RGS3: variants seen among roughly 807,000 people sequenced by gnomAD.
RGS3 encodes the protein regulator of G protein signaling 3.
Under a neutral mutation model 132.6 loss-of-function variants are expected in RGS3, and 80 were observed. The ratio of observed to expected loss-of-function variants is 0.60; its 90% CI spans 0.50 to 0.73. The LOEUF (loss-of-function observed/expected upper bound fraction) is 0.73, where lower values mean the gene tolerates loss of function less well. Ranked by LOEUF, RGS3 falls within the 30% of genes least tolerant of loss-of-function variation. The pLI, the probability that RGS3 is intolerant of heterozygous loss-of-function variation, is 0.00. For synonymous variants in RGS3, 598 were observed against 620.6 expected (o/e 0.96, Z 0.54); for missense variants, 1,382 against 1,530.8 (o/e 0.90, Z 1.62).
chr9:113,462,205 A>G, intron 3 of RGS3: 1 of 1,598,396 alleles, frequency 6.3e-7, no homozygotes, highest in Non-Finnish European at 8.5e-7. Context: ...GGTGCAGGTA[A>G]GTCCATCTGT....
At chr9:113,584,016 G>A in exon 20 of RGS3, 1 of 1,614,168 alleles carries the variant, frequency 6.2e-7, no homozygotes, top group East Asian at 2.2e-5. Context: ...ACAGCCAGAA[G>A]GCAGGGGCAG....
chr9:113,469,120 T>G (rs1383443139), intron 3 of RGS3, among the ~76,000 whole-genome samples: 2 of 150,500 alleles, frequency 1.3e-5, no homozygotes, highest in Non-Finnish European at 3.0e-5. Context: ...CACTCCTTTC[T>G]CTGCCTCTCT....
intron 19 of RGS3, among the ~76,000 whole-genome samples, chr9:113,559,633 T>C (rs1833711306): frequency 6.6e-6 from 1 of 152,166 alleles, no homozygotes; most frequent in South Asian, 2.1e-4. Flanking sequence ...GAATAAGAGA[T>C]TAAGGGCAGA....
In RGS3 at chr9:113,579,863, A is replaced by G. The variant is rs1034003771; in HGVS notation, c.2038-3587A>G. On this transcript the variant is annotated intron_variant, in intron 19 of 24. Transcript: ENST00000350696. This position sits in a 1 kb window ranked among gnomAD's most constrained non-coding sequence, Gnocchi z 4.3. ...CACACATCCTGCCCACATTCCCCAG[A>G]GCAGCTTTGACACAGCACAGCTCTG... Among the ~76,000 whole-genome samples the G allele has an allele frequency of 2.6e-5, 4 of 152,140 alleles. No individual in the cohort carries two copies. Among genetic ancestry groups the G allele is most frequent in the Admixed American group, 2.6e-4 (4 of 15,288 alleles).
chr9:113,572,988 C>T (rs761947638), intron 19 of RGS3, among the ~76,000 whole-genome samples: 6 of 152,220 alleles, frequency 3.9e-5, no homozygotes, highest in African/African-American at 9.7e-5. Flanking sequence ...TGTCGATGAT[C>T]GTCATGAGAG....
chr9:113,541,900 A>G, intron 19 of RGS3: 1 of 978,492 alleles, frequency 1.0e-6, no homozygotes, highest in Non-Finnish European at 1.2e-6. Context: ...CATCTACTTT[A>G]TGCCAGGCTC....
At chr9:113,492,268 A>C (rs7865642) in intron 7 of RGS3, among the ~76,000 whole-genome samples, 1 of 152,174 alleles carries the variant, frequency 6.6e-6, no homozygotes, top group African/African-American at 2.4e-5. Flanking sequence ...GTTACTTCAA[A>C]GCCTTTGTAA....
At chr9:113,468,394 A>G (rs933874758) in intron 3 of RGS3, among the ~76,000 whole-genome samples, 2 of 152,158 alleles carry the variant, frequency 1.3e-5, no homozygotes, top group Non-Finnish European at 2.9e-5. Flanking sequence ...TTTCAATTCT[A>G]TTCCATTGAT....
chr9:113,570,550 C>T (rs566187866), intron 19 of RGS3, among the ~76,000 whole-genome samples: 16 of 146,150 alleles, frequency 1.1e-4, no homozygotes, highest in African/African-American at 1.0e-4. Flanking sequence ...TTCCACAAAG[C>T]GTACCCCCAT....
chr9:113,461,670 A>G lies in RGS3; in HGVS notation c.81-37A>G, dbSNP rs770399964. 5.6e-6 allele frequency: 9 copies of G among 1,595,184 alleles called. No individual in the cohort carries two copies. In the South Asian group the frequency reaches 1.0e-4, roughly 18 times the overall value. ...AATCTTTGTTCCCATTACCGGGTGT[A>G]AGTGCCCAGTGTGGGCCTCGGTCTT... On this transcript the variant is annotated intron_variant, in intron 1 of 24. Transcript: ENST00000350696.
intron 19 of RGS3, among the ~76,000 whole-genome samples, chr9:113,560,790 G>C (rs1249870200): frequency 6.6e-6 from 1 of 152,196 alleles, no homozygotes; most frequent in Non-Finnish European, 1.5e-5. Context: ...GCCATATACA[G>C]ACACTTCCAT....
chr9:113,522,988 G>T, exon 17 of RGS3: 1 of 1,614,086 alleles, frequency 6.2e-7, no homozygotes, highest in Non-Finnish European at 8.5e-7. Flanking sequence ...GAGCCTGGCC[G>T]CTGCGACGTC....
intron 7 of RGS3, among the ~76,000 whole-genome samples, chr9:113,492,155 G>A (rs1481679672): frequency 1.3e-5 from 2 of 152,190 alleles, no homozygotes. Flanking sequence ...GAGAACTAAA[G>A]TGCATTTCCT....
intron 19 of RGS3, among the ~76,000 whole-genome samples, chr9:113,544,663 A>T (rs1833036337): frequency 6.6e-6 from 1 of 152,218 alleles, no homozygotes; most frequent in Admixed American, 6.5e-5. Context: ...GTCCCCAGGC[A>T]TGATCTCCCC....
chr9:113,505,610 C>T (rs1177799175), intron 11 of RGS3, 87 bp downstream of exon 9: 8 of 1,067,630 alleles, frequency 7.5e-6, no homozygotes, highest in Admixed American at 3.6e-5. Flanking sequence ...AAAGGGGAGC[C>T]CCAAACTGGA....
intron 1 of RGS3, among the ~76,000 whole-genome samples, chr9:113,452,430 T>C (rs948048235): frequency 4.6e-5 from 7 of 151,712 alleles, no homozygotes; most frequent in Non-Finnish European, 8.8e-5. Flanking sequence ...TTTTTTTTTT[T>C]CTGGCTGCTT....
intron 18 of RGS3, among the ~76,000 whole-genome samples, chr9:113,532,450 G>T (rs530043052): frequency 1.5e-4 from 23 of 152,210 alleles, no homozygotes; most frequent in African/African-American, 5.3e-4. Context: ...TCTGCCCCCT[G>T]CCTTGGAAGC....
rs546308835 is a variant in RGS3 at position 113,578,294 on chromosome 9, G to A, written c.2038-5156G>A. 1.1e-4 allele frequency among the ~76,000 whole-genome samples: 17 copies of A among 152,330 alleles called. No individual in the cohort carries two copies. The East Asian group carries it at 2.1e-3, about 19-fold the overall frequency. On this transcript the variant is annotated intron_variant, in intron 19 of 24. Transcript: ENST00000350696. ...TATCGTTTATTGAGTGCTCATGGGTGCCCTCATGGTGCTGAGCTCTGGATA... is the reference window on the plus strand; with the variant it reads ...TATCGTTTATTGAGTGCTCATGGGTACCCTCATGGTGCTGAGCTCTGGATA...
intron 19 of RGS3, chr9:113,582,769 C>A (rs556924230): frequency 6.6e-6 from 1 of 152,404 alleles, no homozygotes; most frequent in South Asian, 2.1e-4. Flanking sequence ...CCTGAGCTTC[C>A]TCCAAGCAGT....
Sources: gnomAD v4.1 joint callset for allele counts (sites outside exome capture counted in the v4.1 genomes callset) on GRCh38, gnomAD v4.1.1 for gene constraint, Gnocchi (gnomAD v3.1) non-coding constraint, MANE v1.5 for transcripts, NCBI Gene and HGNC (gene_info 2026-07-23, HGNC 2026-07-21) for gene names.